Variants in PHF10 observed in about 807,000 individuals in gnomAD.
PHF10 encodes BRG1-associated factor 45a.
Under a neutral mutation model 68.5 loss-of-function variants are expected in PHF10, and 51 were observed. That is an observed-to-expected ratio of 0.74 (90% CI 0.59 to 0.94). The LOEUF (loss-of-function observed/expected upper bound fraction) is 0.94, where lower values mean the gene tolerates loss of function less well. PHF10 is among the 40% of genes least tolerant of loss of function. The pLI, the probability that PHF10 is intolerant of heterozygous loss-of-function variation, is 0.00. For missense variants in PHF10, 460 were observed against 602.6 expected, an observed-to-expected ratio of 0.76 and a Z score of 2.48; for synonymous variants, 204 against 203.5, an observed-to-expected ratio of 1.00 and a Z score of -0.02.
chr6:169,711,385 A>T (rs1275872675), intron 8 of PHF10, among the ~76,000 whole-genome samples: 1 of 152,246 alleles, frequency 6.6e-6, no homozygotes, highest in Non-Finnish European at 1.5e-5. Flanking sequence ...AGCATAAAAA[A>T]TACTGTCAAC....
Position 169,714,833 on chromosome 6 carries a change from C to T in PHF10, c.703G>A (p.Val235Ile), listed in dbSNP as rs775031621. The T allele has an allele frequency of 1.3e-6, 2 of 1,516,326 alleles. No homozygotes were observed. The highest frequency in any genetic ancestry group is 1.8e-6 in the Non-Finnish European group (2 of 1,090,990). 93.9% of individuals were successfully genotyped at this position (1,516,326 alleles called of 1,614,324 possible). A position where few individuals can be genotyped will look rare whatever the true frequency, so the allele number is the denominator to read the frequency against. The change falls in exon 7 of 12, where the codon GTA becomes ATA. Residue 235 changes from valine (V) to isoleucine (I), a missense_variant. By Grantham distance (29) the Val-to-Ile change is conservative. Around this residue, in one of 3 missense-constraint regions of PHF10, gnomAD observed 256 missense variants for 410.5 expected, o/e 0.62. Coordinates refer to ENST00000339209, the MANE Select transcript of PHF10 (RefSeq NM_018288.4). ...YFDLQTHVIQ[V>I]PQGKYKVLPT... Reference sequence around the variant, plus strand: ...AAAACTTTGTACTTCCCTTGAGGTACCTGGATAACCTACGTTAACATAAAG... The same window carrying T: ...AAAACTTTGTACTTCCCTTGAGGTATCTGGATAACCTACGTTAACATAAAG...
At chr6:169,715,176 G>A (rs1178564124) in intron 6 of PHF10, among the ~76,000 whole-genome samples, 4 of 152,060 alleles carry the variant, frequency 2.6e-5, no homozygotes, top group African/African-American at 9.7e-5. Context: ...GTTACTATGA[G>A]AATTAACATG....
At chr6:169,723,802 C>T (rs1789247226) in intron 1 of PHF10, 43 bp downstream of exon 1, 7 of 674,398 alleles carry the variant, frequency 1.0e-5, no homozygotes, top group Non-Finnish European at 1.4e-5. Context: ...GCACCCAGGC[C>T]CGGGACGGGG....
chr6:169,723,816 G>T, intron 1 of PHF10, 29 bp downstream of exon 1: 3 of 832,984 alleles, frequency 3.6e-6, no homozygotes, highest in Non-Finnish European at 4.6e-6. Context: ...GACGGGGTCA[G>T]GGTCGGGTCG....
intron 9 of PHF10, chr6:169,707,103 AAACAAT>A (rs1241321877): frequency 6.6e-6 from 1 of 152,230 alleles, no homozygotes; most frequent in African/African-American, 2.4e-5. Flanking sequence ...CAAGAACTCT[AAACAAT>A]CACAAATGTC....
chr6:169,718,020 ATAT>A (rs1231030271), intron 3 of PHF10, 114 bp from the exon 4 acceptor site: 3 of 498,080 alleles, frequency 6.0e-6, no homozygotes, highest in South Asian at 3.9e-5. Flanking sequence ...CATATTCCAA[ATAT>A]TATTAAAGGG....
chr6:169,705,497 C>T, intron 10 of PHF10, 119 bp downstream of exon 10: 1 of 737,232 alleles, frequency 1.4e-6, no homozygotes, highest in East Asian at 2.6e-5. Context: ...GCCTCACAAG[C>T]TACCCTGTGT....
chr6:169,723,780 G>A (rs1789245630), intron 1 of PHF10, 65 bp downstream of exon 1: 1 of 489,824 alleles, frequency 2.0e-6, no homozygotes, highest in South Asian at 8.9e-5. Context: ...GTGGGACTGG[G>A]CCCACGCCCC....
Position 169,712,615 on chromosome 6 carries a change from T to C in PHF10, c.804-76A>G, listed in dbSNP as rs1166124546. 1.1e-5 allele frequency: 15 copies of C among 1,315,136 alleles called. No individual in the cohort carries two copies. The Middle Eastern group carries it at 8.1e-4, about 71-fold the overall frequency. The allele number at this position is 1,315,136 out of a possible 1,614,324, so 81.5% of individuals were successfully genotyped here. ...CAGACTCATCTTTGACCTATGAAGA[T>C]AGCCTTAAACTTCTTGAGTAACCCC... On this transcript the variant is annotated intron_variant, in intron 7 of 11. Coordinates refer to ENST00000339209, the MANE Select transcript of PHF10 (RefSeq NM_018288.4).
chr6:169,717,342 A>G (rs114037926), intron 4 of PHF10, among the ~76,000 whole-genome samples: 1,875 of 152,334 alleles, frequency 0.012, 26 homozygotes, highest in African/African-American at 0.042. Flanking sequence ...AACCCATCCT[A>G]AGTTGAAACT....
chr6:169,706,726 A>G (rs1788803802), intron 9 of PHF10, among the ~76,000 whole-genome samples: 2 of 77,412 alleles, frequency 2.6e-5, no homozygotes, highest in Non-Finnish European at 2.7e-5. Context: ...ACATACATAC[A>G]TACACACACA....
At chr6:169,709,218 GACTT>G (rs1215270741) in intron 9 of PHF10, 1 of 152,100 alleles carries the variant, frequency 6.6e-6, no homozygotes, top group African/African-American at 2.4e-5. Context: ...AGGGAAAGGT[GACTT>G]ACTTCAGCCT....
At chr6:169,721,452 T>C (rs747294028) in intron 1 of PHF10, among the ~76,000 whole-genome samples, 1 of 152,190 alleles carries the variant, frequency 6.6e-6, no homozygotes, top group African/African-American at 2.4e-5. Context: ...TCATTTACAG[T>C]TCTCAATTCA....
rs1412345350 is a variant in PHF10, at chr6:169,724,389, C to T, written c.-458G>A. On this transcript the variant is annotated 5_prime_UTR_variant, in exon 1 of 12. Coordinates refer to ENST00000339209, the MANE Select transcript of PHF10 (RefSeq NM_018288.4). ...CGCCTCAGCCCCGCGGCCGCCTCAG[C>T]CCCGCCGCTCGCCTCAGCCCCGCCG... Among the ~76,000 whole-genome samples the T allele has an allele frequency of 3.6e-5, 5 of 140,572 alleles. No individual in the cohort carries two copies. Among genetic ancestry groups the T allele is most frequent in the Admixed American group, 3.5e-4 (5 of 14,286 alleles). 92.2% of individuals were successfully genotyped at this position (140,572 alleles called of 152,430 possible).
intron 3 of PHF10, 58 bp from the exon 4 acceptor site, chr6:169,717,964 A>G (rs931496128): frequency 9.3e-6 from 7 of 752,766 alleles, no homozygotes; most frequent in Non-Finnish European, 1.5e-5. Flanking sequence ...CACTTGTAAA[A>G]CTTTTAAAAG....
At position 169,703,923 on chromosome 6, in the gene PHF10, T is replaced by C; in HGVS notation, c.*80A>G. On this transcript the variant is annotated 3_prime_UTR_variant, in exon 12 of 12. Transcript: ENST00000339209. ...CTCATAATTTGCAAAAAAAATCTTTTATTGGCATGAAAATAATGTTGTAAA... is the reference window on the plus strand; with the variant it reads ...CTCATAATTTGCAAAAAAAATCTTTCATTGGCATGAAAATAATGTTGTAAA... 1 of 1,179,502 alleles carries C rather than the reference T, an allele frequency of 8.5e-7. No homozygotes were observed. The highest frequency in any genetic ancestry group is 1.2e-6 in the Non-Finnish European group (1 of 841,892). 73.1% of individuals were successfully genotyped at this position (1,179,502 alleles called of 1,614,324 possible).
chr6:169,713,466 G>A (rs1788972452), intron 7 of PHF10, among the ~76,000 whole-genome samples: 1 of 151,986 alleles, frequency 6.6e-6, no homozygotes, highest in Non-Finnish European at 1.5e-5. Flanking sequence ...TGGGCAAGGT[G>A]GCGGGCACCT....
intron 8 of PHF10, among the ~76,000 whole-genome samples, chr6:169,711,031 T>C (rs895100339): frequency 4.6e-5 from 7 of 152,190 alleles, no homozygotes; most frequent in African/African-American, 1.4e-4. Flanking sequence ...TCATATAAAT[T>C]ACAAAAATTA....
At position 169,719,153 on chromosome 6, in the gene PHF10, G is replaced by T. The variant is rs998689694; in HGVS notation, c.195-235C>A. 3 of 323,866 alleles carry T rather than the reference G, an allele frequency of 9.3e-6. No individual in the cohort carries two copies. The Admixed American group carries it at 1.4e-4, about 15-fold the overall frequency. The allele number at this position is 323,866 out of a possible 1,614,324, so 20.1% of individuals were successfully genotyped here. On this transcript the variant is annotated intron_variant, in intron 2 of 11. Coordinates refer to ENST00000339209, the MANE Select transcript of PHF10 (RefSeq NM_018288.4). ...ACATCTTTTATACACTGGGAAGAACGTAGAATCACAATTGCTAAGAACGAA... is the reference window on the plus strand; with the variant it reads ...ACATCTTTTATACACTGGGAAGAACTTAGAATCACAATTGCTAAGAACGAA...
Sources: gnomAD v4.1 joint callset for allele counts (sites outside exome capture counted in the v4.1 genomes callset) on GRCh38, gnomAD v4.1.1 for gene constraint, gnomAD v4.1.1 regional missense constraint, MANE v1.5 for transcripts, NCBI Gene and HGNC (gene_info 2026-07-23, HGNC 2026-07-21) for gene names.